The following KLRF2 variants were observed in gnomAD, a reference collection of about 807,000 sequenced individuals.
KLRF2 encodes killer cell lectin-like receptor subfamily F member 2.
A neutral mutation model predicts 25.3 loss-of-function variants in KLRF2; 28 were observed. The observed-to-expected ratio is 1.11, with a 90% CI of 0.82 to 1.52. The LOEUF is 1.52. Ranked by LOEUF, KLRF2 falls within the 40% of genes most tolerant of loss-of-function variation. KLRF2 has a pLI of 0.00. For missense variants in KLRF2, 265 were observed against 245.8 expected (o/e 1.08, Z -0.52); for synonymous variants, 73 against 85.0 (o/e 0.86, Z 0.78).
intron 3 of KLRF2, among the ~76,000 whole-genome samples, chr12:9,889,543 C>T (rs2137000321): frequency 1.3e-5 from 2 of 152,164 alleles, no homozygotes; most frequent in African/African-American, 4.8e-5. Context: ...ATTAATTTTT[C>T]CTGGGTTTTC....
intron 1 of KLRF2, 112 bp from the exon 2 acceptor site, chr12:9,884,822 A>G: frequency 2.5e-6 from 1 of 392,834 alleles, no homozygotes; most frequent in Non-Finnish European, 4.5e-6. Context: ...ATTTAATCAT[A>G]AATTCTAATG....
intron 2 of KLRF2, among the ~76,000 whole-genome samples, chr12:9,887,851 A>C (rs976609499): frequency 6.6e-6 from 1 of 151,682 alleles, no homozygotes; most frequent in African/African-American, 2.4e-5. Context: ...CAGGAGTTCC[A>C]GACCAGTTTG....
chr12:9,882,729 T>A (rs1868107558), intron 1 of KLRF2, among the ~76,000 whole-genome samples: 1 of 152,106 alleles, frequency 6.6e-6, no homozygotes, highest in Non-Finnish European at 1.5e-5. Flanking sequence ...TGCAGTCAGC[T>A]GAGATCATGC....
intron 1 of KLRF2, among the ~76,000 whole-genome samples, chr12:9,883,553 A>G (rs1868117468): frequency 6.6e-6 from 1 of 152,224 alleles, no homozygotes; most frequent in East Asian, 1.9e-4. Flanking sequence ...CCTGGCATGT[A>G]TGGAAAGAGC....
intron 2 of KLRF2, among the ~76,000 whole-genome samples, chr12:9,885,596 C>T (rs1310027701): frequency 6.6e-6 from 1 of 151,904 alleles, no homozygotes; most frequent in Non-Finnish European, 1.5e-5. Flanking sequence ...CCTAAAGCAA[C>T]TTCTGTAGCG....
chr12:9,882,918 G>T (rs955306517), intron 1 of KLRF2, among the ~76,000 whole-genome samples: 12 of 152,216 alleles, frequency 7.9e-5, no homozygotes, highest in Non-Finnish European at 1.3e-4. Context: ...GCTTTTATGT[G>T]GATGTTAAAC....
chr12:9,891,713 C>G (rs551727428), intron 3 of KLRF2, among the ~76,000 whole-genome samples: 7 of 151,948 alleles, frequency 4.6e-5, no homozygotes, highest in Non-Finnish European at 8.8e-5. Flanking sequence ...CCACTCTTGC[C>G]CGGATACAGC....
In KLRF2 at chr12:9,889,646, A is replaced by ATG. The variant is rs747024498; in HGVS notation, c.217+880_217+881dup. Among the ~76,000 whole-genome samples the ATG allele has an allele frequency of 7.9e-3, 1,115 of 140,686 alleles. 14 individuals are homozygous for ATG. The highest frequency in any genetic ancestry group is 0.063 in the East Asian group (278 of 4,430). The allele number at this position is 140,686 out of a possible 152,430, so 92.3% of individuals were successfully genotyped here. ...AATCTCTCTCTATATGTGTATATATATGTGTGTGTGTGTGTATATATATGT... is the reference window on the plus strand; with the variant it reads ...AATCTCTCTCTATATGTGTATATATATGTGTGTGTGTGTGTGTATATATATGT... On this transcript the variant is annotated intron_variant, in intron 3 of 5. Coordinates refer to ENST00000535540, the MANE Select transcript of KLRF2 (RefSeq NM_001190765.1).
chr12:9,893,133 G>A lies in KLRF2; in HGVS notation c.331G>A (p.Ala111Thr). The A allele has an allele frequency of 6.5e-7, 1 of 1,534,606 alleles. No individual in the cohort carries two copies. The highest frequency in any genetic ancestry group is 1.4e-5 in the African/African-American group (1 of 73,088). Reference protein sequence around the residue: ...ESQRDCTQLQAHLLVIQNLDE... With the variant: ...ESQRDCTQLQTHLLVIQNLDE... The stretch of plus-strand genomic sequence containing the variant: ...TCAACGTGATTGTACACAGCTACAG[G>A]CACATTTACTGGTGATTCAAAATTT... The change falls in exon 4 of 6, where the codon GCA becomes ACA. Residue 111 changes from alanine (A) to threonine (T), a missense_variant. Physicochemically the swap from Ala to Thr is moderately conservative, Grantham distance 58. Coordinates refer to ENST00000535540, the MANE Select transcript of KLRF2 (RefSeq NM_001190765.1).
intron 3 of KLRF2, among the ~76,000 whole-genome samples, chr12:9,889,617 C>T (rs767044011): frequency 6.6e-6 from 1 of 151,520 alleles, no homozygotes; most frequent in Non-Finnish European, 1.5e-5. Context: ...GAGACAATAC[C>T]TTAAATCTCT....
At chr12:9,895,145 C>G (rs568297560) in intron 5 of KLRF2, among the ~76,000 whole-genome samples, 1 of 152,258 alleles carries the variant, frequency 6.6e-6, no homozygotes, top group Non-Finnish European at 1.5e-5. Flanking sequence ...TTGACTTAAA[C>G]AAAATCTTGG....
At chr12:9,888,278 C>A (rs1042060760) in intron 2 of KLRF2, among the ~76,000 whole-genome samples, 2 of 151,758 alleles carry the variant, frequency 1.3e-5, no homozygotes, top group African/African-American at 2.4e-5. Context: ...ATCACGAGGT[C>A]AGGAGATCGA....
chr12:9,894,330 TGC>T (rs1862729043), intron 5 of KLRF2, among the ~76,000 whole-genome samples: 1 of 151,840 alleles, frequency 6.6e-6, no homozygotes, highest in Non-Finnish European at 1.5e-5. Flanking sequence ...ACAGGTGTGG[TGC>T]CATCACACCT....
At chr12:9,887,265 T>C (rs991604821) in intron 2 of KLRF2, among the ~76,000 whole-genome samples, 2 of 151,902 alleles carry the variant, frequency 1.3e-5, no homozygotes, top group Non-Finnish European at 2.9e-5. Flanking sequence ...AGATAATACA[T>C]AGAAAGAGAT....
At chr12:9,885,386 C>G (rs1020039581) in intron 2 of KLRF2, among the ~76,000 whole-genome samples, 1 of 151,562 alleles carries the variant, frequency 6.6e-6, no homozygotes, top group Non-Finnish European at 1.5e-5. Context: ...GGTAGACTTC[C>G]AGACTTTTTT....
At chr12:9,886,627 T>A (rs965945958) in intron 2 of KLRF2, among the ~76,000 whole-genome samples, 3 of 152,038 alleles carry the variant, frequency 2.0e-5, no homozygotes, top group African/African-American at 7.3e-5. Flanking sequence ...CCAATTAAAT[T>A]TAAAAATAAC....
chr12:9,886,726 G>C (rs538752335), intron 2 of KLRF2, among the ~76,000 whole-genome samples: 1 of 148,062 alleles, frequency 6.8e-6, no homozygotes, highest in African/African-American at 2.5e-5. Context: ...TCAATCTGTC[G>C]GTCTATTTAC....
chr12:9,888,096 GA>G (rs111917558), intron 2 of KLRF2, among the ~76,000 whole-genome samples: 2,725 of 101,262 alleles, frequency 0.027, 45 homozygotes, highest in Middle Eastern at 0.062. Context: ...TAATAAAAAT[GA>G]AAAAAAAAAA....
At chr12:9,884,034 G>A (rs1245232393) in intron 1 of KLRF2, among the ~76,000 whole-genome samples, 1 of 152,100 alleles carries the variant, frequency 6.6e-6, no homozygotes, top group East Asian at 1.9e-4. Flanking sequence ...CTGGCAAACT[G>A]ACTAAAATGA....
Sources: allele counts gnomAD v4.1 joint callset (sites outside exome capture counted in the v4.1 genomes callset), GRCh38; gene constraint gnomAD v4.1.1; transcripts MANE v1.5; gene names NCBI Gene and HGNC (gene_info 2026-07-23, HGNC 2026-07-21).